Variants in ROBO2 observed in about 807,000 individuals in gnomAD.
ROBO2 encodes the protein roundabout guidance receptor 2.
A neutral mutation model predicts 160.8 loss-of-function variants in ROBO2; 53 were observed. That is an observed-to-expected ratio of 0.33 (90% confidence interval 0.26 to 0.41). The LOEUF (loss-of-function observed/expected upper bound fraction) is 0.41. Among genes scored for constraint, ROBO2 ranks in the 10% least tolerant of loss-of-function variants. The probability of loss-of-function intolerance (pLI) is 1.00; values close to 1 mark genes in which losing one functional copy is unlikely to be tolerated. For synonymous variants in ROBO2, 664 were observed against 611.7 expected (o/e 1.09, Z -1.26); for missense variants, 1,577 against 1,722.4 (o/e 0.92, Z 1.49).
intron 2 of ROBO2, among the ~76,000 whole-genome samples, chr3:77,253,785 C>G (rs1580403104): frequency 6.6e-6 from 1 of 152,106 alleles, no homozygotes; most frequent in African/African-American, 2.4e-5. Context: ...GAATCCTGAA[C>G]TCTAGAACCA....
Position 77,260,866 on chromosome 3 carries a change from C to G in ROBO2, c.388+162526C>G, listed in dbSNP as rs1245350602. ...CGTTCTGCCCCAGTGGGTAACCTCA[C>G]CTTTTGGGGGTGGCTTTGTGGGTGG... On this transcript the variant is annotated intron_variant, in intron 2 of 25. Coordinates refer to ENST00000461745, the Ensembl canonical transcript of ROBO2. Among the ~76,000 whole-genome samples, 4 of 152,130 alleles carry G rather than the reference C, an allele frequency of 2.6e-5. No homozygotes were observed. In the South Asian group the frequency reaches 6.2e-4, roughly 24 times the overall value.
intron 2 of ROBO2, among the ~76,000 whole-genome samples, chr3:77,221,676 G>A (rs1480361634): frequency 1.3e-5 from 2 of 151,914 alleles, no homozygotes; most frequent in Non-Finnish European, 2.9e-5. Flanking sequence ...CCATTCACCA[G>A]TTCACCAAGA....
chr3:77,399,781 TC>T (rs1319129701), intron 2 of ROBO2, among the ~76,000 whole-genome samples: 1 of 152,134 alleles, frequency 6.6e-6, no homozygotes, highest in Non-Finnish European at 1.5e-5. Context: ...GCTATCTCTA[TC>T]TTTTAAAAAC....
chr3:76,272,658 G>A (rs1386216701), intron 2 of ROBO2, among the ~76,000 whole-genome samples: 5 of 72,164 alleles, frequency 6.9e-5, no homozygotes, highest in Non-Finnish European at 1.9e-4. Flanking sequence ...GCGAGACCCT[G>A]TCTAAAATAC....
At chr3:76,235,212 T>C (rs1242192744) in intron 2 of ROBO2, among the ~76,000 whole-genome samples, 1 of 152,164 alleles carries the variant, frequency 6.6e-6, no homozygotes, top group African/African-American at 2.4e-5. Context: ...TACTAACTTA[T>C]GTCTTCATAA....
intron 2 of ROBO2, among the ~76,000 whole-genome samples, chr3:77,434,676 C>T (rs2153545448): frequency 6.6e-6 from 1 of 152,196 alleles, no homozygotes; most frequent in East Asian, 1.9e-4. Flanking sequence ...CCTGGTTCCC[C>T]ATTACCATGC....
intron 2 of ROBO2, chr3:76,434,314 C>A: frequency 9.0e-7 from 1 of 1,114,074 alleles, no homozygotes; most frequent in Non-Finnish European, 1.4e-6. Flanking sequence ...AATTTGTTGG[C>A]ACCCATCTCA....
At chr3:75,926,752 T>C (rs1403926121) in intron 1 of ROBO2, among the ~76,000 whole-genome samples, 2 of 152,202 alleles carry the variant, frequency 1.3e-5, no homozygotes, top group Non-Finnish European at 2.9e-5. Flanking sequence ...AGAGCAATAT[T>C]TGAAATGTCT....
In ROBO2 at chr3:77,635,006, A is replaced by T. The variant is rs757874902; in HGVS notation, c.3897A>T (p.Gln1299His). The change falls in exon 24 of 26, where the codon CAA becomes CAT. Residue 1299 changes from glutamine (Q) to histidine (H), a missense_variant. Coordinates refer to ENST00000461745, the Ensembl canonical transcript of ROBO2. Reference sequence around the variant, plus strand: ...ACAAGGGAGGGCGGATGGACCAACAACCAGCATTGCCTCATCGAAGGGAAG... The same window carrying T: ...ACAAGGGAGGGCGGATGGACCAACATCCAGCATTGCCTCATCGAAGGGAAG... 9 of 1,613,990 alleles carry T rather than the reference A, an allele frequency of 5.6e-6. No homozygotes were observed. The highest frequency in any genetic ancestry group is 1.6e-4 in the Middle Eastern group (1 of 6,084).
intron 2 of ROBO2, among the ~76,000 whole-genome samples, chr3:77,306,854 A>T (rs1307267977): frequency 1.3e-5 from 2 of 152,196 alleles, no homozygotes; most frequent in African/African-American, 4.8e-5. Context: ...AGAATTCTTA[A>T]ATTGAAAATT....
intron 2 of ROBO2, among the ~76,000 whole-genome samples, chr3:77,403,854 A>G (rs2076036787): frequency 6.6e-6 from 1 of 152,024 alleles, no homozygotes; most frequent in Non-Finnish European, 1.5e-5. Context: ...TGGAGTTTGA[A>G]TCAGACCAAT....
chr3:77,512,705 A>G (rs1244605718), intron 5 of ROBO2, among the ~76,000 whole-genome samples: 1 of 151,974 alleles, frequency 6.6e-6, no homozygotes, highest in African/African-American at 2.4e-5. Flanking sequence ...TGGAATGCCT[A>G]TAATTATAGA....
intron 2 of ROBO2, among the ~76,000 whole-genome samples, chr3:76,886,215 G>A (rs1013711398): frequency 1.2e-4 from 18 of 149,798 alleles, no homozygotes; most frequent in Admixed American, 2.0e-4. Context: ...TTTTTCTTGA[G>A]ATTCTACGCC....
intron 2 of ROBO2, among the ~76,000 whole-genome samples, chr3:76,043,751 C>T (rs902464472): frequency 1.3e-5 from 2 of 151,118 alleles, no homozygotes; most frequent in Non-Finnish European, 2.9e-5. Flanking sequence ...CACTTATCTA[C>T]TTAATCCACA....
intron 2 of ROBO2, among the ~76,000 whole-genome samples, chr3:75,955,792 T>C (rs1335888583): frequency 1.3e-5 from 2 of 151,700 alleles, no homozygotes; most frequent in African/African-American, 4.8e-5. Flanking sequence ...GATATGTTTA[T>C]AGGAGTTTAA....
At chr3:77,608,933 T>A (rs2153696833) in intron 21 of ROBO2, among the ~76,000 whole-genome samples, 1 of 152,074 alleles carries the variant, frequency 6.6e-6, no homozygotes, top group East Asian at 1.9e-4. Context: ...TTCTTCTTCA[T>A]CCTCTTTTCT....
chr3:76,478,181 C>G (rs940255376), intron 2 of ROBO2, among the ~76,000 whole-genome samples: 1 of 122,566 alleles, frequency 8.2e-6, no homozygotes, highest in Non-Finnish European at 1.7e-5. Context: ...TCCCCCCTCC[C>G]CCCCACCCCA....
chr3:76,143,842 T>A (rs1194169030), intron 2 of ROBO2, among the ~76,000 whole-genome samples: 2 of 152,022 alleles, frequency 1.3e-5, no homozygotes, highest in Non-Finnish European at 2.9e-5. Flanking sequence ...ACAGTTCCCG[T>A]CTGAGTTTGA....
chr3:76,284,672 G>T (rs1261463014), intron 2 of ROBO2, among the ~76,000 whole-genome samples: 1 of 152,050 alleles, frequency 6.6e-6, no homozygotes, highest in African/African-American at 2.4e-5. Flanking sequence ...AAACAATCCT[G>T]AAAACTCTTG....
Sources: allele counts gnomAD v4.1 joint callset (sites outside exome capture counted in the v4.1 genomes callset), GRCh38; gene constraint gnomAD v4.1.1; transcripts MANE v1.5; gene names NCBI Gene and HGNC (gene_info 2026-07-23, HGNC 2026-07-21).